Variants in AUTS2 observed in about 807,000 individuals in gnomAD.
AUTS2 encodes activator of transcription and developmental regulator AUTS2, also known as autism susceptibility gene 2 protein.
In AUTS2, 17 loss-of-function variants were observed where a neutral mutation model predicts 112.4. The ratio of observed to expected loss-of-function variants is 0.15; its 90% confidence interval spans 0.10 to 0.23. The LOEUF is 0.23. AUTS2 is among the 10% of genes least tolerant of loss of function. The pLI is 1.00. For missense variants in AUTS2, 1,510 were observed against 1,701.6 expected (o/e 0.89, Z 1.98); for synonymous variants, 751 against 702.7 (o/e 1.07, Z -1.09).
At chr7:69,862,588 T>G (rs999157880) in intron 1 of AUTS2, among the ~76,000 whole-genome samples, 24 of 152,114 alleles carry the variant, frequency 1.6e-4, no homozygotes, top group Non-Finnish European at 7.4e-5. Context: ...TAGACAGTTG[T>G]GTATGAGGTT....
At chr7:70,523,299 T>A (rs1351105760) in intron 5 of AUTS2, among the ~76,000 whole-genome samples, 1 of 152,232 alleles carries the variant, frequency 6.6e-6, no homozygotes, top group African/African-American at 2.4e-5. Context: ...ATGGTTGAAC[T>A]GCTTGTCCTT....
At chr7:70,615,492 G>GTC in intron 5 of AUTS2, among the ~76,000 whole-genome samples, 1 of 152,138 alleles carries the variant, frequency 6.6e-6, no homozygotes, top group South Asian at 2.1e-4. Flanking sequence ...TGCTCACAAG[G>GTC]TGCAGGAAAA....
rs368679245 is a variant in AUTS2 at position 70,350,536 on chromosome 7, G to C, written c.661-85216G>C. ...ATGTGCAGAGTTTATAAAACCATCA[G>C]CTCTCCTGAGACTTATTCACTATCA... is the stretch of plus-strand genomic sequence containing the variant. On this transcript the variant is annotated intron_variant, in intron 4 of 18. Coordinates refer to ENST00000342771, the MANE Select transcript of AUTS2 (RefSeq NM_015570.4). Among the ~76,000 whole-genome samples, 5 of 152,208 alleles carry C rather than the reference G, an allele frequency of 3.3e-5. No individual in the cohort carries two copies. In the South Asian group the frequency reaches 1.0e-3, roughly 32 times the overall value.
At chr7:69,630,658 T>C (rs1450038105) in intron 1 of AUTS2, among the ~76,000 whole-genome samples, 4 of 152,240 alleles carry the variant, frequency 2.6e-5, no homozygotes, top group African/African-American at 7.2e-5. Context: ...GATGTGGAAG[T>C]GTATATCCTT....
chr7:69,854,358 C>G (rs1792623891), intron 1 of AUTS2, among the ~76,000 whole-genome samples: 1 of 152,136 alleles, frequency 6.6e-6, no homozygotes. Context: ...AAAGTTCATG[C>G]TCTTAACCTT....
At chr7:70,539,752 G>T (rs1800469529) in intron 5 of AUTS2, among the ~76,000 whole-genome samples, 1 of 152,182 alleles carries the variant, frequency 6.6e-6, no homozygotes, top group Admixed American at 6.5e-5. Flanking sequence ...CTGTGGGAGA[G>T]TGGCAGCAAT....
intron 4 of AUTS2, among the ~76,000 whole-genome samples, chr7:70,366,678 G>A (rs1792584298): frequency 6.6e-6 from 1 of 152,206 alleles, no homozygotes; most frequent in Admixed American, 6.5e-5. Flanking sequence ...TAGGGCAGCA[G>A]TAGTGACATT....
intron 5 of AUTS2, among the ~76,000 whole-genome samples, chr7:70,692,425 T>A (rs527681412): frequency 6.6e-6 from 1 of 152,342 alleles, no homozygotes; most frequent in Non-Finnish European, 1.5e-5. Flanking sequence ...TCTAGAACAT[T>A]TCATGTCCAC....
At chr7:69,904,183 C>T (rs1795070127) in intron 2 of AUTS2, among the ~76,000 whole-genome samples, 6 of 152,194 alleles carry the variant, frequency 3.9e-5, no homozygotes, top group Admixed American at 3.9e-4. Context: ...TCCCACCTGT[C>T]CTGATGGAAC....
intron 1 of AUTS2, among the ~76,000 whole-genome samples, chr7:69,611,240 G>A (rs1793016045): frequency 6.6e-6 from 1 of 152,150 alleles, no homozygotes; most frequent in Admixed American, 6.5e-5. Context: ...TAGCATATGA[G>A]GCCCCCAGAG....
At chr7:70,251,509 T>C (rs1786600736) in intron 4 of AUTS2, among the ~76,000 whole-genome samples, 1 of 152,208 alleles carries the variant, frequency 6.6e-6, no homozygotes, top group Non-Finnish European at 1.5e-5. Flanking sequence ...TTGATATTTT[T>C]CATCAGTTTT....
intron 1 of AUTS2, among the ~76,000 whole-genome samples, chr7:69,605,353 C>T (rs1337239135): frequency 1.3e-5 from 2 of 152,182 alleles, no homozygotes. Flanking sequence ...TAGTCCATGT[C>T]TTTTCCTGCT....
intron 2 of AUTS2, among the ~76,000 whole-genome samples, chr7:70,058,641 A>G (rs569208516): frequency 6.6e-6 from 1 of 150,592 alleles, no homozygotes; most frequent in East Asian, 1.9e-4. Flanking sequence ...TTTTTTAACT[A>G]ACTAGAATCA....
In AUTS2 at chr7:69,956,550, C is replaced by T. The variant is rs73168772; in HGVS notation, c.522+57052C>T. On this transcript the variant is annotated intron_variant, in intron 2 of 18. Transcript: ENST00000342771. ...TGTGCTCTCTCCCCTCAACCCCTTA[C>T]GAGATTTTTAGGATAATCCATGGGA... Among the ~76,000 whole-genome samples the T allele has an allele frequency of 4.2e-3, 633 of 152,190 alleles. 5 individuals are homozygous for T. Among genetic ancestry groups the T allele is most frequent in the Non-Finnish European group, 5.8e-3 (391 of 67,990 alleles).
chr7:70,144,754 C>T (rs1212722933), intron 4 of AUTS2, among the ~76,000 whole-genome samples: 1 of 152,094 alleles, frequency 6.6e-6, no homozygotes, highest in African/African-American at 2.4e-5. Context: ...TGACCTTGCT[C>T]ATCCTGGATC....
At chr7:70,656,834 C>T (rs908401310) in intron 5 of AUTS2, among the ~76,000 whole-genome samples, 4 of 152,320 alleles carry the variant, frequency 2.6e-5, no homozygotes, top group Admixed American at 1.3e-4. Context: ...GCCCAGATTT[C>T]TCAGGACATT....
chr7:70,075,957 A>G (rs1803007259), intron 2 of AUTS2, among the ~76,000 whole-genome samples: 1 of 152,338 alleles, frequency 6.6e-6, no homozygotes, highest in South Asian at 2.1e-4. Context: ...TCTCTGGTAC[A>G]GCTACTCAAC....
chr7:69,941,190 A>T (rs886709645), intron 2 of AUTS2, among the ~76,000 whole-genome samples: 2 of 152,202 alleles, frequency 1.3e-5, no homozygotes, highest in African/African-American at 4.8e-5. Flanking sequence ...CCCCAGCACT[A>T]CAGTTCAGCT....
intron 4 of AUTS2, among the ~76,000 whole-genome samples, chr7:70,177,335 G>C (rs1809042193): frequency 6.6e-6 from 1 of 152,138 alleles, no homozygotes; most frequent in Non-Finnish European, 1.5e-5. Context: ...AGAAACCTGT[G>C]AGTCGCCATA....
Sources: gnomAD v4.1 joint callset for allele counts (sites outside exome capture counted in the v4.1 genomes callset) on GRCh38, gnomAD v4.1.1 for gene constraint, MANE v1.5 for transcripts, NCBI Gene and HGNC (gene_info 2026-07-23, HGNC 2026-07-21) for gene names.